The following SBF1 variants were observed in gnomAD, a reference collection of about 807,000 sequenced individuals.
The protein encoded by SBF1 is SET binding factor 1.
A neutral mutation model predicts 215.8 loss-of-function variants in SBF1; 65 were observed. The observed-to-expected ratio is 0.30, with a 90% CI of 0.25 to 0.37. SBF1 has a LOEUF of 0.37. Among genes scored for constraint, SBF1 ranks in the 10% least tolerant of loss-of-function variants. The pLI is 1.00. For synonymous variants in SBF1, 1,410 were observed against 1,122.8 expected (o/e 1.26, Z -5.11); for missense variants, 2,634 against 2,667.8 (o/e 0.99, Z 0.28).
chr22:50,457,221 G>A (rs1291280353), intron 28 of SBF1, 110 bp from the exon 29 acceptor site: 2 of 836,598 alleles, frequency 2.4e-6, no homozygotes, highest in Admixed American at 8.3e-5. Flanking sequence ...GGAGCCTGGA[G>A]ACAGCAGGGG....
At chr22:50,453,492 T>A (rs770703558) in intron 36 of SBF1, among the ~76,000 whole-genome samples, 1 of 152,172 alleles carries the variant, frequency 6.6e-6, no homozygotes, top group South Asian at 2.1e-4. Flanking sequence ...AGCTCTAAGA[T>A]GCTTAGATAA....
In SBF1 at chr22:50,448,707, G is replaced by A. The variant is rs372472692; in HGVS notation, c.5044-57C>T. ...AAAGGAAATATCCAGACTAGAGCAC[G>A]AAAAGACAAAAGGAAAACACAGGAA... On this transcript the variant is annotated intron_variant, in intron 36 of 40. Transcript: ENST00000380817. 8.0e-5 allele frequency: 111 copies of A among 1,391,284 alleles called. No individual in the cohort carries two copies. Among genetic ancestry groups the A allele is most frequent in the African/African-American group, 6.6e-4 (47 of 70,822 alleles). 86.2% of individuals were successfully genotyped at this position (1,391,284 alleles called of 1,614,324 possible).
At chr22:50,468,117 C>A (rs986080463) in intron 2 of SBF1, among the ~76,000 whole-genome samples, 194 bp from the exon 3 acceptor site, 1 of 152,222 alleles carries the variant, frequency 6.6e-6, no homozygotes, top group African/African-American at 2.4e-5. Flanking sequence ...CCTCTGACCT[C>A]CCCACCTGGG....
At chr22:50,456,052 C>A (rs1490854086) in intron 31 of SBF1, 164 bp downstream of exon 31, 5 of 750,012 alleles carry the variant, frequency 6.7e-6, no homozygotes, top group Non-Finnish European at 1.0e-5. Context: ...GCCCAGCCTC[C>A]CAGCTGCCTT....
chr22:50,461,314 G>T, intron 22 of SBF1, 28 bp from the exon 23 acceptor site: 1 of 1,282,524 alleles, frequency 7.8e-7, no homozygotes. Flanking sequence ...AGAGTCAGAA[G>T]CAAGGAAGGT....
chr22:50,465,033 C>T lies in SBF1; in HGVS notation c.1300G>A (p.Val434Ile), dbSNP rs777645807. ...AACAGGTCCGTAGGGCGGTATGGGACCCCACGCTCTGACACAAAGCCAGCA... is the reference window on the plus strand; with the variant it reads ...AACAGGTCCGTAGGGCGGTATGGGATCCCACGCTCTGACACAAAGCCAGCA... ...AFAGFVSERG[V>I]PYRPTDLFDE... The change falls in exon 12 of 41, where the codon GTC (valine) becomes ATC (isoleucine). Residue 434 changes from valine to isoleucine, a missense_variant. Val to Ile is a conservative substitution (Grantham distance 29). Transcript: ENST00000380817. 1 of 1,614,058 alleles carries T rather than the reference C, an allele frequency of 6.2e-7. No homozygotes were observed. The highest frequency in any genetic ancestry group is 2.2e-5 in the East Asian group (1 of 44,888).
At chr22:50,455,815 G>C (rs1036999815) in intron 31 of SBF1, 2 of 575,650 alleles carry the variant, frequency 3.5e-6, no homozygotes. Context: ...CTCTAGGACT[G>C]AGGGACGTCC....
chr22:50,471,292 T>C (rs1321078202), intron 1 of SBF1, among the ~76,000 whole-genome samples: 3 of 152,164 alleles, frequency 2.0e-5, no homozygotes, highest in Non-Finnish European at 2.9e-5. Context: ...TGCACCAATG[T>C]CCCTGCGGCC....
chr22:50,467,364 T>G lies in SBF1; in HGVS notation c.523A>C (p.Thr175Pro). The change falls in exon 5 of 41, where the codon ACT becomes CCT. Residue 175 changes from threonine to proline, a missense_variant. Transcript: ENST00000380817. ...ENVIGNLLTCTVPLAGGSQRT... is the reference protein window; with the variant it reads ...ENVIGNLLTCPVPLAGGSQRT... ...TGCGAGCCCCCAGCCAGGGGCACAG[T>G]GCACGTCAGCAGGTTCCCAATCACG... 1 of 1,614,090 alleles carries G rather than the reference T, an allele frequency of 6.2e-7. No homozygotes were observed. Among genetic ancestry groups the G allele is most frequent in the Non-Finnish European group, 8.5e-7 (1 of 1,179,998 alleles).
rs1278627414 is a variant in SBF1 at position 50,466,387 on chromosome 22, T to C, written c.751A>G (p.Arg251Gly). 3.2e-6 allele frequency: 5 copies of C among 1,555,904 alleles called. No individual in the cohort carries two copies. The South Asian group carries it at 5.9e-5, about 18-fold the overall frequency. Residue 251 changes from arginine (R) to glycine (G), a missense_variant, in exon 7 of 41, where the codon AGG becomes GGG. Transcript: ENST00000380817. ...RSYQRLADAC[R>G]GLLALLFPLR... Reference sequence around the variant, plus strand: ...GGAAACAGCAGTGCCAGGAGGCCCCTACAGGCATCGGCGAGCCGCTGGTAG... The same window carrying C: ...GGAAACAGCAGTGCCAGGAGGCCCCCACAGGCATCGGCGAGCCGCTGGTAG...
In SBF1 at chr22:50,454,636, G is replaced by A. The variant is rs758406494; in HGVS notation, c.4919C>T (p.Pro1640Leu). 1.3e-6 allele frequency: 2 copies of A among 1,598,420 alleles called. No homozygotes were observed. The highest frequency in any genetic ancestry group is 2.2e-5 in the East Asian group (1 of 44,726). ...PPYDWELAQGPPEPPEEERSD... is the reference protein window; with the variant it reads ...PPYDWELAQGLPEPPEEERSD... ...CCGTTCTTCCTCTGGGGGTTCAGGG[G>A]GCCCCTGGGCCAGTTCCCAGTCATA... The change falls in exon 36 of 41, where the codon CCC becomes CTC. Residue 1640 changes from proline (P) to leucine (L), a missense_variant. Transcript: ENST00000380817.
rs2067768874 is a variant in SBF1 at position 50,466,594 on chromosome 22, G to A, written c.655+11C>T. 1 of 1,545,862 alleles carries A rather than the reference G, an allele frequency of 6.5e-7. No homozygotes were observed. The highest frequency in any genetic ancestry group is 8.7e-7 in the Non-Finnish European group (1 of 1,143,072). ...GGGGAAGCCATGCGGGGGTGGGACA[G>A]ACAGGCTCACCTAGCTGGCGGAAGA... On this transcript the variant is annotated intron_variant, in intron 6 of 40. Coordinates refer to ENST00000380817, the MANE Select transcript of SBF1 (RefSeq NM_002972.4).
intron 16 of SBF1, 31 bp downstream of exon 16, chr22:50,463,252 G>C: frequency 6.2e-7 from 1 of 1,612,068 alleles, no homozygotes; most frequent in East Asian, 2.2e-5. Flanking sequence ...TGCGCCATGA[G>C]CCATGTCACT....
intron 36 of SBF1, among the ~76,000 whole-genome samples, chr22:50,453,732 A>G (rs2067137499): frequency 6.6e-6 from 1 of 152,122 alleles, no homozygotes; most frequent in Non-Finnish European, 1.5e-5. Flanking sequence ...GCTTGCAGTG[A>G]GCGGAGATCG....
intron 22 of SBF1, 66 bp from the exon 23 acceptor site, chr22:50,461,352 G>A (rs2067503645): frequency 3.2e-6 from 5 of 1,551,696 alleles, no homozygotes; most frequent in South Asian, 1.2e-5. Flanking sequence ...AGAATCTCAG[G>A]GTACCACAGT....
At chr22:50,471,847 C>G (rs1349206381) in intron 1 of SBF1, among the ~76,000 whole-genome samples, 1 of 152,126 alleles carries the variant, frequency 6.6e-6, no homozygotes, top group African/African-American at 2.4e-5. Flanking sequence ...AGATGGGGCT[C>G]AAGAATGCAG....
intron 30 of SBF1, 39 bp downstream of exon 30, chr22:50,456,453 G>GCCCCCCCCCCCCCCCCCCCCCCCCCCCC: frequency 1.3e-6 from 2 of 1,520,050 alleles, no homozygotes; most frequent in Non-Finnish European, 1.8e-6. Context: ...CCCCTGCCGA[G>GCCCCCCCCCCCCCCCCCCCCCCCCCCCC]CCCCCACCCT....
rs1417427149 is a variant in SBF1 at position 50,464,529 on chromosome 22, C to T, written c.1636+5G>A. ...GGGCCTGCCTTCCCCTCCCTCATTA[C>T]GCACTCATGGGGGGCCCTGAGGGCA... On this transcript the variant is annotated splice_donor_5th_base_variant and intron_variant, in intron 14 of 40. Coordinates refer to ENST00000380817, the MANE Select transcript of SBF1 (RefSeq NM_002972.4). The T allele has an allele frequency of 3.7e-6, 6 of 1,606,470 alleles. No homozygotes were observed. Among genetic ancestry groups the T allele is most frequent in the Non-Finnish European group, 4.3e-6 (5 of 1,175,706 alleles).
In SBF1 at chr22:50,445,461, GTGGAGGGAA is replaced by G. The variant is rs2066764113; in HGVS notation, c.*1672_*1680del. On this transcript the variant is annotated 3_prime_UTR_variant, in exon 41 of 41. Transcript: ENST00000380817. ...GCTTGTCTTTCCACCACGGTTGGGG[GTGGAGGGAA>G]CCCGCTCAGCTCCCCAGAGGCCGAG... is the stretch of plus-strand genomic sequence containing the variant. 6.6e-6 allele frequency: 1 copy of G among 152,288 alleles called. No individual in the cohort carries two copies. The highest frequency in any genetic ancestry group is 1.9e-4 in the East Asian group (1 of 5,206). The allele number at this position is 152,288 out of a possible 1,614,324, so 9.4% of individuals were successfully genotyped here. A position where few individuals can be genotyped will look rare whatever the true frequency, so the allele number is the denominator to read the frequency against.
Sources: allele counts gnomAD v4.1 joint callset (sites outside exome capture counted in the v4.1 genomes callset), GRCh38; gene constraint gnomAD v4.1.1; transcripts MANE v1.5; gene names NCBI Gene and HGNC (gene_info 2026-07-23, HGNC 2026-07-21).